The following RSPRY1 variants were observed in gnomAD, a reference collection of about 807,000 sequenced individuals.
RSPRY1 encodes ring finger and SPRY domain containing 1.
Under a neutral mutation model 73.1 loss-of-function variants are expected in RSPRY1, and 23 were observed. The ratio of observed to expected loss-of-function variants is 0.31; its 90% CI spans 0.23 to 0.45. RSPRY1 has a LOEUF of 0.45. Ranked by LOEUF, RSPRY1 falls within the 20% of genes least tolerant of loss-of-function variation. The probability of loss-of-function intolerance (pLI) is 1.00; values close to 1 mark genes in which losing one functional copy is unlikely to be tolerated. For synonymous variants in RSPRY1, 226 were observed against 251.4 expected, an observed-to-expected ratio of 0.90 and a Z score of 0.95; for missense variants, 448 against 698.7, an observed-to-expected ratio of 0.64 and a Z score of 4.05.
At chr16:57,223,461 G>A (rs1022636543) in intron 10 of RSPRY1, among the ~76,000 whole-genome samples, 16 of 152,204 alleles carry the variant, frequency 1.1e-4, no homozygotes, top group African/African-American at 1.7e-4. Context: ...CTCTCCAAGG[G>A]TGTACTCTGA....
At chr16:57,209,915 G>A (rs1203050283) in intron 4 of RSPRY1, among the ~76,000 whole-genome samples, 2 of 151,348 alleles carry the variant, frequency 1.3e-5, no homozygotes, top group Non-Finnish European at 3.0e-5. Flanking sequence ...GGCTCAAGCA[G>A]TCAGCCCACC....
chr16:57,221,484 G>T, intron 10 of RSPRY1, 69 bp downstream of exon 10: 1 of 1,452,532 alleles, frequency 6.9e-7, no homozygotes. Flanking sequence ...GTTGGTGGGT[G>T]GAAAATACTT....
intron 7 of RSPRY1, 133 bp from the exon 8 acceptor site, chr16:57,216,771 G>A: frequency 1.2e-6 from 1 of 844,432 alleles, no homozygotes; most frequent in Non-Finnish European, 1.9e-6. Flanking sequence ...GTTTTCCCTA[G>A]AAATTTTAAT....
intron 10 of RSPRY1, among the ~76,000 whole-genome samples, chr16:57,223,604 C>T (rs1356077174): frequency 1.3e-5 from 2 of 152,122 alleles, no homozygotes; most frequent in African/African-American, 4.8e-5. Flanking sequence ...GAAACCCCGT[C>T]TCTACTGAAT....
Position 57,197,505 on chromosome 16 carries a change from T to TA in RSPRY1, c.-155-6988dup, listed in dbSNP as rs76245323. On this transcript the variant is annotated intron_variant, in intron 1 of 14. Coordinates refer to ENST00000394420, the MANE Select transcript of RSPRY1 (RefSeq NM_133368.3). ...GTTTTCACAGATGGTCCTTTTTATT[T>TA]AAAAAAAAAAAGTCTGGCTTTAAAG... is the stretch of plus-strand genomic sequence containing the variant. 2.9e-3 allele frequency among the ~76,000 whole-genome samples: 424 copies of TA among 147,192 alleles called. 4 individuals are homozygous for TA. The highest frequency in any genetic ancestry group is 0.011 in the South Asian group (52 of 4,668).
Position 57,230,813 on chromosome 16 carries a change from T to G in RSPRY1, c.1376T>G (p.Val459Gly). Residue 459 changes from valine (V) to glycine (G), a missense_variant and splice_region_variant, in exon 12 of 15, where the codon GTA becomes GGA. By Grantham distance (109) the Val-to-Gly change is moderately radical (BLOSUM62 -3). Coordinates refer to ENST00000394420, the MANE Select transcript of RSPRY1 (RefSeq NM_133368.3). Reference protein sequence around the residue: ...PPEKQVFSSTVSGFFAAASFM... With the variant: ...PPEKQVFSSTGSGFFAAASFM... ...GAAAAGCAAGTCTTTTCATCTACTGTGTAAGTAGCTCTTCTCAGTCAAAAA... is the reference window on the plus strand; with the variant it reads ...GAAAAGCAAGTCTTTTCATCTACTGGGTAAGTAGCTCTTCTCAGTCAAAAA... The G allele has an allele frequency of 6.4e-7, 1 of 1,560,280 alleles. No individual in the cohort carries two copies. Among genetic ancestry groups the G allele is most frequent in the Non-Finnish European group, 8.8e-7 (1 of 1,132,766 alleles).
chr16:57,215,271 G>A (rs1229242758), intron 6 of RSPRY1, among the ~76,000 whole-genome samples: 3 of 152,326 alleles, frequency 2.0e-5, no homozygotes, highest in Middle Eastern at 3.4e-3. Context: ...GACACAGACT[G>A]AGTAGCCAGC....
intron 1 of RSPRY1, among the ~76,000 whole-genome samples, chr16:57,200,897 A>C (rs1262159026): frequency 6.1e-5 from 5 of 82,280 alleles, no homozygotes; most frequent in East Asian, 7.8e-4. Context: ...ACTTCCCAGT[A>C]GGGGCGGCCA....
chr16:57,229,690 C>CTTTTTTTTTTTTTTTTTTTTTTTTTTT, intron 11 of RSPRY1, among the ~76,000 whole-genome samples: 1 of 42,140 alleles, frequency 2.4e-5, no homozygotes, highest in African/African-American at 9.8e-5. Context: ...AAGATAAATG[C>CTTTTTTTTTTTTTTTTTTTTTTTTTTT]TTTTTTTTTT....
At chr16:57,200,447 G>A (rs1169070539) in intron 1 of RSPRY1, among the ~76,000 whole-genome samples, 6 of 151,840 alleles carry the variant, frequency 4.0e-5, no homozygotes, top group Non-Finnish European at 8.8e-5. Context: ...GGTGGTGGCC[G>A]GGCAGAGGGG....
intron 6 of RSPRY1, among the ~76,000 whole-genome samples, chr16:57,214,757 G>A (rs1348754628): frequency 2.6e-5 from 4 of 152,226 alleles, no homozygotes. Context: ...GGCCGGGCAC[G>A]GTGGCTCATG....
intron 10 of RSPRY1, among the ~76,000 whole-genome samples, 168 bp downstream of exon 10, chr16:57,221,583 G>A (rs1293231049): frequency 1.3e-5 from 2 of 152,208 alleles, no homozygotes; most frequent in Non-Finnish European, 2.9e-5. Context: ...AACTGATAGA[G>A]AAATAGGAAA....
rs368368825 is a variant in RSPRY1 at position 57,221,242 on chromosome 16, GT to G, written c.1018-28del. On this transcript the variant is annotated intron_variant, in intron 9 of 14. Transcript: ENST00000394420. ...CTTTGGTGGTCTTCAGGCCCTCATAGTTGATTGACACATTTTTTGGTTTTGC... is the reference window on the plus strand; with the variant it reads ...CTTTGGTGGTCTTCAGGCCCTCATAGTGATTGACACATTTTTTGGTTTTGC... 68 of 1,611,912 alleles carry G rather than the reference GT, an allele frequency of 4.2e-5. No homozygotes were observed. The East Asian group carries it at 4.2e-4, about 10-fold the overall frequency.
At chr16:57,213,201 CT>C in intron 5 of RSPRY1, 103 bp downstream of exon 5, 1 of 1,156,536 alleles carries the variant, frequency 8.6e-7, no homozygotes, top group Middle Eastern at 2.1e-4. Flanking sequence ...AGAAAGAAAT[CT>C]CTTAAAAATG....
Position 57,238,910 on chromosome 16 carries a change from G to A in RSPRY1, c.1666G>A (p.Glu556Lys). 4 of 1,607,976 alleles carry A rather than the reference G, an allele frequency of 2.5e-6. No individual in the cohort carries two copies. Among genetic ancestry groups the A allele is most frequent in the Non-Finnish European group, 3.4e-6 (4 of 1,177,186 alleles). Residue 556 changes from glutamate to lysine, a missense_variant, in exon 15 of 15, where the codon GAG (glutamate) becomes AAG (lysine). Transcript: ENST00000394420. The part of the protein sequence containing the change: ...DLCMDCALQL[E>K]TCPLCRKEIV... Reference sequence around the variant, plus strand: ...GTGCATGGATTGTGCCTTGCAGCTGGAGACCTGCCCATTGTGTCGTAAAGA... The same window carrying A: ...GTGCATGGATTGTGCCTTGCAGCTGAAGACCTGCCCATTGTGTCGTAAAGA...
chr16:57,231,377 A>G, intron 13 of RSPRY1, 58 bp downstream of exon 13: 1 of 1,487,986 alleles, frequency 6.7e-7, no homozygotes, highest in East Asian at 2.3e-5. Flanking sequence ...GAGAAATTAA[A>G]CAATTTATAA....
intron 4 of RSPRY1, among the ~76,000 whole-genome samples, chr16:57,211,837 C>G (rs1464600273): frequency 6.6e-6 from 1 of 152,074 alleles, no homozygotes; most frequent in Non-Finnish European, 1.5e-5. Flanking sequence ...CCTTGGCCTC[C>G]CAAAGTGCTG....
chr16:57,213,248 C>T, intron 5 of RSPRY1, 150 bp downstream of exon 5: 1 of 706,884 alleles, frequency 1.4e-6, no homozygotes, highest in Non-Finnish European at 2.1e-6. Flanking sequence ...AAGAAAATTA[C>T]TGAAAGGCTA....
chr16:57,190,995 C>T (rs1276342274), intron 1 of RSPRY1, among the ~76,000 whole-genome samples: 3 of 152,200 alleles, frequency 2.0e-5, no homozygotes, highest in Non-Finnish European at 2.9e-5. Flanking sequence ...TTTATGTACT[C>T]CTTAAATTTG....
Sources: allele counts gnomAD v4.1 joint callset (sites outside exome capture counted in the v4.1 genomes callset), GRCh38; gene constraint gnomAD v4.1.1; transcripts MANE v1.5; gene names NCBI Gene and HGNC (gene_info 2026-07-23, HGNC 2026-07-21).